DNAH7: variants seen among roughly 807,000 people sequenced by gnomAD.
DNAH7 encodes the protein dynein axonemal heavy chain 7.
In DNAH7, 397 loss-of-function variants were observed where a neutral mutation model predicts 444.6. The observed-to-expected ratio is 0.89, with a 90% CI of 0.82 to 0.97. The LOEUF is 0.97. DNAH7 is among the 50% of genes least tolerant of loss of function. DNAH7 has a pLI of 0.00. For synonymous variants in DNAH7, 1,636 were observed against 1,624.4 expected (o/e 1.01, Z -0.17); for missense variants, 4,902 against 4,800.8 (o/e 1.02, Z -0.62).
At chr2:195,872,528 CA>C (rs35420442) in intron 39 of DNAH7, 59 bp from the exon 40 acceptor site, 2 of 1,180,870 alleles carry the variant, frequency 1.7e-6, no homozygotes, top group East Asian at 2.6e-5. Context: ...AATTACGACA[CA>C]AAAAGGATAT....
Position 195,897,732 on chromosome 2 carries a change from G to T in DNAH7, c.4582C>A (p.Leu1528Met). 6.4e-7 allele frequency: 1 copy of T among 1,555,588 alleles called. No individual in the cohort carries two copies. The highest frequency in any genetic ancestry group is 1.7e-4 in the Middle Eastern group (1 of 5,744). Reference protein sequence around the residue: ...KYPNENEEILLLRSIIDVNLP... With the variant: ...KYPNENEEILMLRSIIDVNLP... ...TTTACATCAATGATAGATCTAAGCA[G>T]CAAAATTTCTTCATTTTCATTTGGA... The change falls in exon 29 of 65, where the codon CTG (leucine) becomes ATG (methionine). Residue 1528 changes from leucine to methionine, a missense_variant. Leu to Met is a conservative substitution (Grantham distance 15, BLOSUM62 2). Coordinates refer to ENST00000312428, the MANE Select transcript of DNAH7 (RefSeq NM_018897.3).
chr2:195,849,575 C>T (rs1699225160), intron 46 of DNAH7, among the ~76,000 whole-genome samples: 1 of 151,974 alleles, frequency 6.6e-6, no homozygotes, highest in Non-Finnish European at 1.5e-5. Flanking sequence ...TACACAGTTG[C>T]TTCTGGCATG....
chr2:195,827,745 A>AT lies in DNAH7; in HGVS notation c.9101-3301dup, dbSNP rs199610066. ...AGGCATGGACCACCAGGCTCAGCTA[A>AT]TTTTTTTTTTTTTCAGAGATGGGGT... is the stretch of plus-strand genomic sequence containing the variant. On this transcript the variant is annotated intron_variant, in intron 48 of 64. Transcript: ENST00000312428. 0.022 allele frequency among the ~76,000 whole-genome samples: 3,149 copies of AT among 145,356 alleles called. 242 individuals are homozygous for AT. In the East Asian group the frequency reaches 0.27, roughly 13 times the overall value.
chr2:195,823,986 A>G (rs1338858352), intron 49 of DNAH7, among the ~76,000 whole-genome samples: 1 of 152,190 alleles, frequency 6.6e-6, no homozygotes, highest in African/African-American at 2.4e-5. Flanking sequence ...TATATCTTCT[A>G]TTTTTAACAA....
rs906688519 is a variant in DNAH7, at chr2:195,910,147, A to G, written c.3984T>C (p.Gly1328=). The G allele has an allele frequency of 6.2e-7, 1 of 1,613,392 alleles. No individual in the cohort carries two copies. The highest frequency in any genetic ancestry group is 8.5e-7 in the Non-Finnish European group (1 of 1,179,686). The change falls in exon 25 of 65, where the codon GGT becomes GGC. Residue 1328 remains glycine, a synonymous_variant. Coordinates refer to ENST00000312428, the MANE Select transcript of DNAH7 (RefSeq NM_018897.3). ...TTTCAGTCTTCCCAGTGCCAGCTGGACCCTCAGGTGCTCCTCCAAGGTGCA... is the reference window on the plus strand; with the variant it reads ...TTTCAGTCTTCCCAGTGCCAGCTGGGCCCTCAGGTGCTCCTCCAAGGTGCA... ...LHLHLGGAPE[G]PAGTGKTETT... is the part of the protein sequence containing the mutation.
chr2:195,964,959 TTC>T (rs1273113355), intron 17 of DNAH7, among the ~76,000 whole-genome samples: 11 of 152,236 alleles, frequency 7.2e-5, no homozygotes, highest in Admixed American at 2.0e-4. Context: ...CTTTATTTCC[TTC>T]TCTCATTGGA....
At chr2:195,906,165 C>T (rs1454956736) in intron 27 of DNAH7, among the ~76,000 whole-genome samples, 1 of 151,994 alleles carries the variant, frequency 6.6e-6, no homozygotes, top group Non-Finnish European at 1.5e-5. Flanking sequence ...GGGACACAAT[C>T]TACAGTAAGC....
At chr2:196,025,268 A>C (rs1473600797) in intron 7 of DNAH7, among the ~76,000 whole-genome samples, 2 of 152,186 alleles carry the variant, frequency 1.3e-5, no homozygotes, top group Admixed American at 1.3e-4. Flanking sequence ...TTATAAAATC[A>C]GAGAAGTCAG....
chr2:196,047,945 AATTT>A (rs1300441800), intron 4 of DNAH7, among the ~76,000 whole-genome samples: 11 of 152,076 alleles, frequency 7.2e-5, no homozygotes, highest in African/African-American at 2.7e-4. Flanking sequence ...TCATGTTCAC[AATTT>A]ATTAAAACCC....
chr2:195,954,670 C>G (rs1690512567), intron 19 of DNAH7, among the ~76,000 whole-genome samples: 1 of 152,198 alleles, frequency 6.6e-6, no homozygotes, highest in South Asian at 2.1e-4. Context: ...CCTATTTCTC[C>G]ACATCCTCTC....
At chr2:195,845,567 A>G (rs1488643571) in intron 46 of DNAH7, among the ~76,000 whole-genome samples, 2 of 152,252 alleles carry the variant, frequency 1.3e-5, no homozygotes, top group Non-Finnish European at 2.9e-5. Flanking sequence ...AGCTATCCTT[A>G]GCAAAAAGAA....
At position 195,957,435 on chromosome 2, in the gene DNAH7, G is replaced by T; in HGVS notation, c.2904C>A (p.Gly968=). 2 of 1,556,938 alleles carry T rather than the reference G, an allele frequency of 1.3e-6. No individual in the cohort carries two copies. The highest frequency in any genetic ancestry group is 1.8e-6 in the Non-Finnish European group (2 of 1,141,494). The change falls in exon 19 of 65, where the codon GGC becomes GGA. Residue 968 remains glycine, a synonymous_variant. Transcript: ENST00000312428. The stretch of plus-strand genomic sequence containing the variant: ...GAATCTCCTGAAGCAGTAGGAGCTT[G>T]CCCTCCCATTCTCTGAGGAGCAAAA... The part of the protein sequence containing the change: ...PYEKQMREWE[G]KLLLLQEILD...
In DNAH7 at chr2:195,864,836, GA is replaced by G; in HGVS notation, c.6818del (p.Phe2273SerfsTer22). The G allele has an allele frequency of 6.2e-7, 1 of 1,614,150 alleles. No individual in the cohort carries two copies. The highest frequency in any genetic ancestry group is 8.5e-7 in the Non-Finnish European group (1 of 1,180,028). Reference protein sequence around the residue: ...DDLRSLMFCDFHDPKREDTNY... With the variant: ...DDLRSLMFCDXHDPKREDTNY... ...TGGTATCCTCCCTCTTGGGATCATG[GA>G]AATCACAAAACATTAAGCTGCGTAA... On this transcript the variant is annotated frameshift_variant, in exon 41 of 65. Coordinates refer to ENST00000312428, the MANE Select transcript of DNAH7 (RefSeq NM_018897.3). LOFTEE classifies it high-confidence loss of function.
At chr2:195,749,950 T>C (rs1340039353) in intron 63 of DNAH7, among the ~76,000 whole-genome samples, 2 of 151,802 alleles carry the variant, frequency 1.3e-5, no homozygotes, top group Admixed American at 1.3e-4. Flanking sequence ...ACCTGCACAT[T>C]GTGCACATGT....
chr2:195,921,510 C>T (rs1471839991), intron 24 of DNAH7, among the ~76,000 whole-genome samples: 1 of 152,110 alleles, frequency 6.6e-6, no homozygotes, highest in African/African-American at 2.4e-5. Flanking sequence ...AACCAAACAT[C>T]ATATGTTCTC....
chr2:195,870,066 T>G (rs1700583730), intron 40 of DNAH7, among the ~76,000 whole-genome samples: 1 of 152,292 alleles, frequency 6.6e-6, no homozygotes. Flanking sequence ...CACTGTTATG[T>G]ATAATCTCAA....
chr2:195,865,048 A>T, intron 40 of DNAH7, 27 bp from the exon 41 acceptor site: 1 of 1,530,336 alleles, frequency 6.5e-7, no homozygotes, highest in Non-Finnish European at 8.7e-7. Flanking sequence ...AAGCAGCTTT[A>T]GAAACTTTCT....
intron 2 of DNAH7, among the ~76,000 whole-genome samples, chr2:196,052,683 T>C (rs1048587026): frequency 2.6e-5 from 4 of 152,218 alleles, no homozygotes; most frequent in African/African-American, 7.2e-5. Flanking sequence ...TTAAAGACCA[T>C]GTGCTTCCAT....
rs185492016 is a variant in DNAH7 at position 195,942,058 on chromosome 2, G to T, written c.3079-5266C>A. ...ACAAAACAAAGATCCCAGCCTCCAT[G>T]GGGGAGACAGACAATAAATAACAAA... On this transcript the variant is annotated intron_variant, in intron 19 of 64. Transcript: ENST00000312428. Among the ~76,000 whole-genome samples the T allele has an allele frequency of 1.6e-3, 238 of 152,106 alleles. 1 individual carries two copies. Among genetic ancestry groups the T allele is most frequent in the African/African-American group, 5.3e-3 (219 of 41,514 alleles).
Sources: allele counts gnomAD v4.1 joint callset (sites outside exome capture counted in the v4.1 genomes callset), GRCh38; gene constraint gnomAD v4.1.1; transcripts MANE v1.5; gene names NCBI Gene and HGNC (gene_info 2026-07-23, HGNC 2026-07-21).